Variants in CLNK observed in about 807,000 individuals in gnomAD.
CLNK encodes cytokine dependent hematopoietic cell linker.
A neutral mutation model predicts 68.6 loss-of-function variants in CLNK; 74 were observed. The ratio of observed to expected loss-of-function variants is 1.08; its 90% CI spans 0.89 to 1.31. CLNK has a LOEUF of 1.31. Ranked by LOEUF, CLNK falls within the 50% of genes most tolerant of loss-of-function variation. The pLI is 0.00. For synonymous variants in CLNK, 198 were observed against 172.2 expected (o/e 1.15, Z -1.17); for missense variants, 553 against 515.3 (o/e 1.07, Z -0.71).
chr4:10,721,325 G>A, the CLNK span, among the ~76,000 whole-genome samples: 10 of 152,202 alleles, frequency 6.6e-5, no homozygotes, highest in Admixed American at 6.5e-4. Context: ...ACTACCACTG[G>A]GGGAAAATGG....
intron 13 of CLNK, 149 bp from the exon 14 acceptor site, chr4:10,526,071 A>T: frequency 3.3e-6 from 2 of 599,482 alleles, no homozygotes; most frequent in East Asian, 5.6e-5. Flanking sequence ...ACTATAACTC[A>T]TGTATTCTAC....
chr4:10,575,107 C>T (rs1001809865), intron 4 of CLNK, among the ~76,000 whole-genome samples: 1 of 152,164 alleles, frequency 6.6e-6, no homozygotes, highest in Non-Finnish European at 1.5e-5. Context: ...TTCCACTTGT[C>T]CGTATTGTAT....
chr4:10,540,491 C>T lies in CLNK; in HGVS notation c.602+3G>A. ...ATTTCACCATTGATGATGAATCTCT[C>T]ACCTGGGCATTCTCTGGACTTCTGG... On this transcript the variant is annotated splice_donor_region_variant and intron_variant, in intron 11 of 18. Transcript: ENST00000226951. 6.2e-7 allele frequency: 1 copy of T among 1,602,904 alleles called. No individual in the cohort carries two copies. Among genetic ancestry groups the T allele is most frequent in the Non-Finnish European group, 8.5e-7 (1 of 1,169,856 alleles).
chr4:10,693,324 G>A, the CLNK span, among the ~76,000 whole-genome samples: 13 of 152,220 alleles, frequency 8.5e-5, no homozygotes, highest in Non-Finnish European at 1.8e-4. Flanking sequence ...ATGTAATCAA[G>A]TTAAGATGAA....
intron 3 of CLNK, among the ~76,000 whole-genome samples, chr4:10,592,455 C>A (rs184944130): frequency 5.9e-5 from 9 of 152,196 alleles, no homozygotes; most frequent in African/African-American, 2.2e-4. Flanking sequence ...GAGCCTCCCC[C>A]ACTTCCCCAC....
intron 7 of CLNK, among the ~76,000 whole-genome samples, chr4:10,562,760 G>T (rs976503713): frequency 6.6e-6 from 1 of 152,102 alleles, no homozygotes. Context: ...TCTCTACTGA[G>T]AATTTTTTTC....
intron 2 of CLNK, among the ~76,000 whole-genome samples, chr4:10,643,259 A>C (rs1159561571): frequency 6.6e-6 from 1 of 152,248 alleles, no homozygotes; most frequent in Non-Finnish European, 1.5e-5. Context: ...CTCATGAGAT[A>C]CCATCTTCAG....
At chr4:10,728,882 AG>A in the CLNK span, among the ~76,000 whole-genome samples, 3 of 151,992 alleles carry the variant, frequency 2.0e-5, no homozygotes, top group African/African-American at 4.8e-5. Context: ...TACAGGTGTG[AG>A]CTACCACACC....
chr4:10,623,776 T>C (rs1230912174), intron 2 of CLNK, among the ~76,000 whole-genome samples: 1 of 152,184 alleles, frequency 6.6e-6, no homozygotes, highest in Admixed American at 6.5e-5. Context: ...CAGTTCAGTG[T>C]GAAAAGTGCT....
intron 2 of CLNK, among the ~76,000 whole-genome samples, chr4:10,665,622 C>CCACTG (rs1209707891): frequency 1.4e-5 from 2 of 148,060 alleles, no homozygotes; most frequent in African/African-American, 5.0e-5. Context: ...TGAGATCATG[C>CCACTG]CACTGCACTA....
At chr4:10,676,869 A>T (rs1473957882) in intron 1 of CLNK, among the ~76,000 whole-genome samples, 1 of 149,878 alleles carries the variant, frequency 6.7e-6, no homozygotes, top group Non-Finnish European at 1.5e-5. Context: ...TATTAAAGTG[A>T]TTTTTACTGT....
intron 11 of CLNK, among the ~76,000 whole-genome samples, chr4:10,539,200 G>A (rs918115113): frequency 2.0e-5 from 3 of 152,226 alleles, no homozygotes; most frequent in African/African-American, 7.2e-5. Context: ...TGCCATGGCA[G>A]TTGAAAGGGG....
intron 3 of CLNK, among the ~76,000 whole-genome samples, chr4:10,586,589 A>T (rs1720979913): frequency 6.6e-6 from 1 of 152,126 alleles, no homozygotes. Flanking sequence ...CTGGGATTAC[A>T]GGCTTGAGCC....
At chr4:10,704,772 C>G in the CLNK span, among the ~76,000 whole-genome samples, 463 of 152,358 alleles carry the variant, frequency 3.0e-3, 1 homozygote, top group African/African-American at 0.01. Flanking sequence ...TAACACACCT[C>G]TGAAGCTCAG....
chr4:10,664,877 G>C (rs1724329113), intron 2 of CLNK, among the ~76,000 whole-genome samples: 1 of 152,202 alleles, frequency 6.6e-6, no homozygotes, highest in African/African-American at 2.4e-5. Flanking sequence ...TCTTTAATGT[G>C]TAAGCGTACT....
At chr4:10,699,506 A>T in the CLNK span, among the ~76,000 whole-genome samples, 2 of 26,190 alleles carry the variant, frequency 7.6e-5, no homozygotes, top group African/African-American at 1.2e-4. Flanking sequence ...ATATATATAT[A>T]TATATATTTT....
At chr4:10,498,358 G>C (rs571930846) in intron 18 of CLNK, among the ~76,000 whole-genome samples, 50 of 152,220 alleles carry the variant, frequency 3.3e-4, no homozygotes, top group South Asian at 6.2e-4. Flanking sequence ...CGGGCGTGGT[G>C]GTGGGCGCCT....
chr4:10,699,149 G>A, the CLNK span, among the ~76,000 whole-genome samples: 12 of 139,232 alleles, frequency 8.6e-5, no homozygotes, highest in Non-Finnish European at 1.4e-4. Flanking sequence ...CAGCCTCCAT[G>A]ATCGTATGAG....
At chr4:10,583,707 T>C (rs1324481464) in intron 4 of CLNK, among the ~76,000 whole-genome samples, 1 of 152,144 alleles carries the variant, frequency 6.6e-6, no homozygotes, top group Admixed American at 6.5e-5. Context: ...TGGACTTTTG[T>C]GGGGTTTCGA....
Sources: allele counts gnomAD v4.1 joint callset (sites outside exome capture counted in the v4.1 genomes callset), GRCh38; gene constraint gnomAD v4.1.1; transcripts MANE v1.5; gene names NCBI Gene and HGNC (gene_info 2026-07-23, HGNC 2026-07-21).